SYN2: variants seen among roughly 807,000 people sequenced by gnomAD.
SYN2 encodes synapsin II.
A neutral mutation model predicts 50.9 loss-of-function variants in SYN2; 19 were observed. The ratio of observed to expected loss-of-function variants is 0.37; its 90% CI spans 0.26 to 0.55. SYN2 has a LOEUF of 0.55. SYN2 is among the 20% of genes least tolerant of loss of function. The pLI, the probability that SYN2 is intolerant of heterozygous loss-of-function variation, is 0.81. For synonymous variants in SYN2, 255 were observed against 224.9 expected, an observed-to-expected ratio of 1.13 and a Z score of -1.20; for missense variants, 587 against 576.4, an observed-to-expected ratio of 1.02 and a Z score of -0.19.
chr3:12,125,814 AG>A (rs1696655584), intron 1 of SYN2, among the ~76,000 whole-genome samples: 1 of 149,334 alleles, frequency 6.7e-6, no homozygotes, highest in Non-Finnish European at 1.5e-5. Flanking sequence ...ATGTCAGCCC[AG>A]CTTGAAAAAA....
At chr3:12,131,668 A>G (rs1043922762) in intron 1 of SYN2, among the ~76,000 whole-genome samples, 4 of 149,084 alleles carry the variant, frequency 2.7e-5, no homozygotes, top group African/African-American at 5.0e-5. Flanking sequence ...TTTTTCCTGT[A>G]TTTGATAATC....
intron 3 of SYN2, 71 bp downstream of exon 3, chr3:12,142,067 G>T (rs555354428): frequency 1.0e-5 from 8 of 767,884 alleles, no homozygotes; most frequent in African/African-American, 1.0e-4. Flanking sequence ...CAAAGAGGTG[G>T]TTTCTAAGTC....
At chr3:12,052,106 T>A (rs1199409689) in intron 1 of SYN2, among the ~76,000 whole-genome samples, 4 of 152,222 alleles carry the variant, frequency 2.6e-5, no homozygotes, top group African/African-American at 9.6e-5. Flanking sequence ...GGGATCGATA[T>A]TCACATTTTA....
intron 10 of SYN2, among the ~76,000 whole-genome samples, chr3:12,180,458 T>G (rs1034325953): frequency 1.3e-5 from 2 of 152,212 alleles, no homozygotes; most frequent in Non-Finnish European, 2.9e-5. Flanking sequence ...CAGACTTCTG[T>G]GGAATTCGGC....
intron 1 of SYN2, among the ~76,000 whole-genome samples, chr3:12,124,010 C>CA (rs1696615357): frequency 6.6e-6 from 1 of 151,380 alleles, no homozygotes; most frequent in African/African-American, 2.4e-5. Context: ...GACCCTGTCT[C>CA]AAAGAAAAAA....
At chr3:12,090,555 A>G (rs1398483857) in intron 1 of SYN2, among the ~76,000 whole-genome samples, 1 of 152,238 alleles carries the variant, frequency 6.6e-6, no homozygotes, top group East Asian at 1.9e-4. Context: ...GTCTTCAGCT[A>G]TAAAATAAGA....
At chr3:12,110,252 A>C (rs1301724391) in intron 1 of SYN2, among the ~76,000 whole-genome samples, 2 of 152,182 alleles carry the variant, frequency 1.3e-5, no homozygotes, top group African/African-American at 2.4e-5. Context: ...CTTTGACTCC[A>C]TGTCTCACAT....
chr3:12,085,352 TACACACAC>T lies in SYN2; in HGVS notation c.378-55278_378-55271del, dbSNP rs55795895. On this transcript the variant is annotated intron_variant, in intron 1 of 12. Transcript: ENST00000621198. ...ATATATATATATGATTGTTATGGAA[TACACACAC>T]ACACACACACACACACACACGCACG... 5.8e-3 allele frequency among the ~76,000 whole-genome samples: 866 copies of T among 149,360 alleles called. 11 individuals carry two copies. Among genetic ancestry groups the T allele is most frequent in the African/African-American group, 0.02 (804 of 40,918 alleles).
chr3:12,084,126 C>T (rs1365389158), intron 1 of SYN2, among the ~76,000 whole-genome samples: 2 of 152,152 alleles, frequency 1.3e-5, no homozygotes, highest in Admixed American at 6.5e-5. Context: ...GCCATTTAAT[C>T]ACTTTGAATG....
chr3:12,021,147 A>G (rs1443033848), intron 1 of SYN2, among the ~76,000 whole-genome samples: 1 of 152,200 alleles, frequency 6.6e-6, no homozygotes, highest in Non-Finnish European at 1.5e-5. Context: ...TCAATTTATA[A>G]TTCTGTTAAA....
intron 10 of SYN2, among the ~76,000 whole-genome samples, chr3:12,180,428 G>T (rs1221629448): frequency 6.6e-6 from 1 of 152,218 alleles, no homozygotes. Flanking sequence ...GCCAGCCTTT[G>T]GCAGTGACGC....
chr3:12,015,538 C>T (rs1694010403), intron 1 of SYN2, among the ~76,000 whole-genome samples: 1 of 152,182 alleles, frequency 6.6e-6, no homozygotes, highest in Non-Finnish European at 1.5e-5. Context: ...ACCGAAGTAA[C>T]TAGTCAGCAA....
At chr3:12,125,160 G>A (rs183867850) in intron 1 of SYN2, among the ~76,000 whole-genome samples, 261 of 152,130 alleles carry the variant, frequency 1.7e-3, no homozygotes, top group Non-Finnish European at 3.1e-3. Context: ...GATTACAGGC[G>A]TGTGCCACCA....
chr3:12,107,136 A>G (rs1696210367), intron 1 of SYN2, among the ~76,000 whole-genome samples: 1 of 152,152 alleles, frequency 6.6e-6, no homozygotes, highest in African/African-American at 2.4e-5. Context: ...ATTTCATATA[A>G]TCATGTGCCT....
Position 12,125,871 on chromosome 3 carries a change from CA to C in SYN2, c.378-14773del. 2.8e-5 allele frequency among the ~76,000 whole-genome samples: 4 copies of C among 145,282 alleles called. No homozygotes were observed. In the Middle Eastern group the frequency reaches 0.011, roughly 392 times the overall value. On this transcript the variant is annotated intron_variant, in intron 1 of 12. Coordinates refer to ENST00000621198, the MANE Select transcript of SYN2 (RefSeq NM_133625.6). Reference sequence around the variant, plus strand: ...AAAAAAAAAAAACCCACAAAACACACAAAAAAACTGAGAAATTTCTCTGATG... The same window carrying C: ...AAAAAAAAAAAACCCACAAAACACACAAAAAACTGAGAAATTTCTCTGATG...
intron 1 of SYN2, among the ~76,000 whole-genome samples, chr3:12,069,938 C>T (rs1358076933): frequency 6.6e-6 from 1 of 151,972 alleles, no homozygotes; most frequent in Non-Finnish European, 1.5e-5. Flanking sequence ...TCCTGAGTAG[C>T]TGGGACCACA....
At chr3:12,057,310 TG>T (rs1695014298) in intron 1 of SYN2, among the ~76,000 whole-genome samples, 1 of 151,608 alleles carries the variant, frequency 6.6e-6, no homozygotes, top group African/African-American at 2.4e-5. Context: ...TGTGTGTGTG[TG>T]TGTGTGTGTG....
chr3:12,008,951 T>TA (rs1478937119), intron 1 of SYN2, among the ~76,000 whole-genome samples: 1 of 152,214 alleles, frequency 6.6e-6, no homozygotes, highest in African/African-American at 2.4e-5. Context: ...CATTCTTTTC[T>TA]AGCCAGCCTT....
intron 4 of SYN2, among the ~76,000 whole-genome samples, chr3:12,147,570 C>T (rs898866315): frequency 1.3e-5 from 2 of 152,144 alleles, no homozygotes; most frequent in African/African-American, 2.4e-5. Flanking sequence ...TCTCCTCAGT[C>T]ACATGTCCTT....
Sources: gnomAD v4.1 joint callset for allele counts (sites outside exome capture counted in the v4.1 genomes callset) on GRCh38, gnomAD v4.1.1 for gene constraint, MANE v1.5 for transcripts, NCBI Gene and HGNC (gene_info 2026-07-23, HGNC 2026-07-21) for gene names.